The following CCDC148 variants were observed in gnomAD, a reference collection of about 807,000 sequenced individuals.
CCDC148 encodes coiled-coil domain-containing protein 148.
Under a neutral mutation model 85.7 loss-of-function variants are expected in CCDC148, and 89 were observed. That is an observed-to-expected ratio of 1.04 (90% CI 0.87 to 1.24). The LOEUF is 1.24. Among genes scored for constraint, CCDC148 ranks in the 50% most tolerant of loss-of-function variants. The pLI is 0.00. For missense variants in CCDC148, 692 were observed against 671.7 expected, an observed-to-expected ratio of 1.03 and a Z score of -0.33; for synonymous variants, 230 against 213.9, an observed-to-expected ratio of 1.08 and a Z score of -0.66.
intron 1 of CCDC148, among the ~76,000 whole-genome samples, chr2:158,440,132 G>C (rs1411666698): frequency 6.6e-6 from 1 of 151,990 alleles, no homozygotes; most frequent in Non-Finnish European, 1.5e-5. Context: ...GCCTCCAAAG[G>C]TGCTGAGATT....
At chr2:158,264,660 G>A (rs1689378896) in intron 9 of CCDC148, among the ~76,000 whole-genome samples, 1 of 151,770 alleles carries the variant, frequency 6.6e-6, no homozygotes, top group Non-Finnish European at 1.5e-5. Flanking sequence ...CATGCACAGG[G>A]GCCTCACCCA....
chr2:158,261,168 G>A (rs972619867), intron 9 of CCDC148, among the ~76,000 whole-genome samples: 2 of 151,974 alleles, frequency 1.3e-5, no homozygotes, highest in African/African-American at 4.8e-5. Context: ...TACAAAAACA[G>A]GCACATAAAC....
intron 1 of CCDC148, among the ~76,000 whole-genome samples, chr2:158,440,800 T>C (rs1687899550): frequency 6.6e-6 from 1 of 152,178 alleles, no homozygotes; most frequent in Non-Finnish European, 1.5e-5. Flanking sequence ...TAAAAAGGAA[T>C]GAACTAATGT....
intron 11 of CCDC148, among the ~76,000 whole-genome samples, chr2:158,217,162 T>C (rs985350965): frequency 2.6e-5 from 4 of 151,940 alleles, no homozygotes; most frequent in African/African-American, 9.7e-5. Flanking sequence ...CATATTCTAA[T>C]AGATTGAGAA....
At chr2:158,240,326 T>C (rs1354791235) in intron 10 of CCDC148, among the ~76,000 whole-genome samples, 1 of 151,942 alleles carries the variant, frequency 6.6e-6, no homozygotes. Context: ...TGCCATGGGA[T>C]TTTTGTGTTC....
intron 10 of CCDC148, among the ~76,000 whole-genome samples, chr2:158,239,189 T>G (rs190878584): frequency 3.5e-4 from 53 of 152,158 alleles, no homozygotes; most frequent in Middle Eastern, 3.4e-3. Flanking sequence ...AGTCAAAAAT[T>G]TATACCTGGA....
chr2:158,375,769 C>T (rs1684624147), intron 1 of CCDC148, among the ~76,000 whole-genome samples: 2 of 152,128 alleles, frequency 1.3e-5, no homozygotes, highest in African/African-American at 4.8e-5. Flanking sequence ...AGGCACACCT[C>T]CTTATTCCTT....
At chr2:158,451,231 G>T (rs1452894809) in intron 1 of CCDC148, among the ~76,000 whole-genome samples, 2 of 151,860 alleles carry the variant, frequency 1.3e-5, no homozygotes, top group East Asian at 1.9e-4. Context: ...TAGCTGTTTT[G>T]AATTAGTTGT....
At chr2:158,306,830 T>TAA (rs57694988) in intron 9 of CCDC148, among the ~76,000 whole-genome samples, 2 of 135,644 alleles carry the variant, frequency 1.5e-5, no homozygotes, top group African/African-American at 2.7e-5. Context: ...AGTATAATAA[T>TAA]AAAAAAAAAA....
intron 11 of CCDC148, among the ~76,000 whole-genome samples, chr2:158,209,856 A>G (rs1341603732): frequency 1.3e-5 from 2 of 152,236 alleles, no homozygotes; most frequent in African/African-American, 4.8e-5. Context: ...CCACTGCAAA[A>G]ACATACCAAA....
At chr2:158,429,708 A>G (rs752554418) in intron 1 of CCDC148, among the ~76,000 whole-genome samples, 34 of 152,344 alleles carry the variant, frequency 2.2e-4, no homozygotes, top group Non-Finnish European at 3.4e-4. Flanking sequence ...TGGAGTATCA[A>G]AGACCAGGCT....
chr2:158,176,253 C>T (rs1684577142), intron 13 of CCDC148, among the ~76,000 whole-genome samples: 1 of 151,646 alleles, frequency 6.6e-6, no homozygotes, highest in Admixed American at 6.6e-5. Flanking sequence ...TTTTATAAAG[C>T]ATTTTTAAAA....
intron 9 of CCDC148, among the ~76,000 whole-genome samples, chr2:158,264,447 C>A (rs1689368798): frequency 6.6e-6 from 1 of 152,014 alleles, no homozygotes; most frequent in Non-Finnish European, 1.5e-5. Context: ...AGCAGAACCC[C>A]CTTCACGTGG....
Position 158,172,038 on chromosome 2 carries a change from A to G in CCDC148, c.*75T>C. The G allele has an allele frequency of 9.4e-7, 1 of 1,068,410 alleles. No homozygotes were observed. Among genetic ancestry groups the G allele is most frequent in the Non-Finnish European group, 1.3e-6 (1 of 754,684 alleles). The allele number at this position is 1,068,410 out of a possible 1,614,324, so 66.2% of individuals were successfully genotyped here. The stretch of plus-strand genomic sequence containing the variant: ...GTCTGATATTTCAAACATTTTAGAA[A>G]GTAGTAATTATTATTATCCATATAC... On this transcript the variant is annotated 3_prime_UTR_variant, in exon 14 of 14. Coordinates refer to ENST00000283233, the MANE Select transcript of CCDC148 (RefSeq NM_138803.4).
intron 2 of CCDC148, among the ~76,000 whole-genome samples, chr2:158,351,753 A>G (rs533105642): frequency 0.012 from 1,895 of 152,202 alleles, 29 homozygotes; most frequent in African/African-American, 0.039. Context: ...CTGCCTCTGT[A>G]GGCTCCACCT....
chr2:158,262,402 T>C (rs1012497364), intron 9 of CCDC148, among the ~76,000 whole-genome samples: 11 of 151,838 alleles, frequency 7.2e-5, no homozygotes, highest in African/African-American at 2.7e-4. Context: ...AAAATAACTA[T>C]AGGGTAGTTG....
chr2:158,337,007 T>A (rs184651115), intron 7 of CCDC148, among the ~76,000 whole-genome samples: 69 of 152,300 alleles, frequency 4.5e-4, no homozygotes, highest in African/African-American at 1.6e-3. Flanking sequence ...TATATATTCA[T>A]CTAATCCTCC....
In CCDC148 at chr2:158,376,914, G is replaced by A. The variant is rs149664566; in HGVS notation, c.26-18344C>T. ...CATGAAAGGTGGGCCCTCAGGTCTG[G>A]GTAGGGTTTTCAGGGAGAGGCAGTG... is the stretch of plus-strand genomic sequence containing the variant. On this transcript the variant is annotated intron_variant, in intron 1 of 13. Transcript: ENST00000283233. 6.6e-4 allele frequency among the ~76,000 whole-genome samples: 101 copies of A among 152,078 alleles called. 1 individual carries two copies. In the Middle Eastern group the frequency reaches 0.02, roughly 31 times the overall value.
intron 2 of CCDC148, among the ~76,000 whole-genome samples, chr2:158,352,083 C>G (rs897906518): frequency 1.5e-4 from 21 of 144,592 alleles, no homozygotes; most frequent in Non-Finnish European, 2.9e-4. Context: ...TGTACATCAC[C>G]ATCATCAAAG....
Sources: gnomAD v4.1 joint callset for allele counts (sites outside exome capture counted in the v4.1 genomes callset) on GRCh38, gnomAD v4.1.1 for gene constraint, MANE v1.5 for transcripts, NCBI Gene and HGNC (gene_info 2026-07-23, HGNC 2026-07-21) for gene names.